Variants in ZDHHC20 observed in about 807,000 individuals in gnomAD.
ZDHHC20 encodes zDHHC palmitoyltransferase 20, also known as palmitoyltransferase ZDHHC20.
In ZDHHC20, 43 loss-of-function variants were observed where a neutral mutation model predicts 57.8. The observed-to-expected ratio is 0.74, with a 90% CI of 0.58 to 0.96. The LOEUF (loss-of-function observed/expected upper bound fraction) is 0.96. Ranked by LOEUF, ZDHHC20 falls within the 40% of genes least tolerant of loss-of-function variation. ZDHHC20 has a pLI of 0.00. For synonymous variants in ZDHHC20, 157 were observed against 153.0 expected, an observed-to-expected ratio of 1.03 and a Z score of -0.19; for missense variants, 391 against 441.1, an observed-to-expected ratio of 0.89 and a Z score of 1.02.
intron 1 of ZDHHC20, among the ~76,000 whole-genome samples, chr13:21,447,549 G>A (rs1048596667): frequency 8.8e-5 from 13 of 147,532 alleles, no homozygotes; most frequent in Middle Eastern, 3.4e-3. Context: ...CTCCCGAGGT[G>A]CCGGGATTGC....
At chr13:21,408,477 C>T (rs1017102471) in intron 4 of ZDHHC20, among the ~76,000 whole-genome samples, 3 of 152,162 alleles carry the variant, frequency 2.0e-5, no homozygotes, top group African/African-American at 7.2e-5. Flanking sequence ...TATCCTGAGA[C>T]TTTGCTGAAG....
chr13:21,419,309 C>T (rs1012797687), intron 3 of ZDHHC20, among the ~76,000 whole-genome samples: 2 of 152,186 alleles, frequency 1.3e-5, no homozygotes, highest in African/African-American at 4.8e-5. Context: ...AAAGACTATA[C>T]AGCATTACTT....
Position 21,381,207 on chromosome 13 carries a change from C to G in ZDHHC20, c.1060+227G>C, listed in dbSNP as rs544029861. Among the ~76,000 whole-genome samples the G allele has an allele frequency of 2.0e-5, 3 of 152,158 alleles. No homozygotes were observed. In the East Asian group the frequency reaches 5.8e-4, roughly 30 times the overall value. On this transcript the variant is annotated intron_variant, in intron 11 of 12. Transcript: ENST00000400590. ...ATTTGTAGTAGAGACGGGGTTTCAC[C>G]GTGTTAGCCAGGATGGTCTCATTCT...
intron 1 of ZDHHC20, among the ~76,000 whole-genome samples, chr13:21,456,368 T>C (rs1247408275): frequency 2.2e-4 from 34 of 152,216 alleles, no homozygotes; most frequent in Non-Finnish European, 2.9e-5. Flanking sequence ...CAAGATCGCA[T>C]CATTGCACTC....
At chr13:21,452,680 C>T (rs1884559735) in intron 1 of ZDHHC20, among the ~76,000 whole-genome samples, 1 of 151,832 alleles carries the variant, frequency 6.6e-6, no homozygotes, top group African/African-American at 2.4e-5. Flanking sequence ...AGCATAAAGG[C>T]CAAGATGGAA....
At chr13:21,405,256 CATTT>C (rs1047985178) in intron 4 of ZDHHC20, among the ~76,000 whole-genome samples, 13 of 152,096 alleles carry the variant, frequency 8.5e-5, no homozygotes, top group South Asian at 2.1e-4. Flanking sequence ...AAATCATTTT[CATTT>C]ATTTAAGCCT....
At chr13:21,438,624 T>C (rs908620832) in intron 1 of ZDHHC20, among the ~76,000 whole-genome samples, 1 of 152,220 alleles carries the variant, frequency 6.6e-6, no homozygotes, top group Non-Finnish European at 1.5e-5. Flanking sequence ...TGAACACTGA[T>C]GAAATGACAA....
In ZDHHC20 at chr13:21,413,662, T is replaced by G. The variant is rs746017026; in HGVS notation, c.360A>C (p.Ser120=). 45 of 1,588,300 alleles carry G rather than the reference T, an allele frequency of 2.8e-5. No homozygotes were observed. The highest frequency in any genetic ancestry group is 3.4e-5 in the Non-Finnish European group (40 of 1,172,040). Residue 120 remains serine, a synonymous_variant, in exon 4 of 13, where the codon TCA becomes TCC. Transcript: ENST00000400590. The part of the protein sequence containing the change: ...AARALPIYTT[S]ASKTIRYCEK... Reference sequence around the variant, plus strand: ...TATTCTTTTTCTTACTTTTTGAAGCTGATGTGGTATAGATAGGTAAAGCTC... The same window carrying G: ...TATTCTTTTTCTTACTTTTTGAAGCGGATGTGGTATAGATAGGTAAAGCTC...
chr13:21,402,382 G>A (rs955497419), intron 5 of ZDHHC20, among the ~76,000 whole-genome samples: 3 of 151,676 alleles, frequency 2.0e-5, no homozygotes, highest in African/African-American at 4.9e-5. Context: ...CTTATATGAA[G>A]GTAGACCACA....
intron 7 of ZDHHC20, among the ~76,000 whole-genome samples, chr13:21,394,008 C>T (rs796296884): frequency 2.0e-5 from 3 of 152,396 alleles, no homozygotes; most frequent in African/African-American, 7.2e-5. Context: ...GATGCTGCAA[C>T]AGCCTACCAT....
intron 3 of ZDHHC20, among the ~76,000 whole-genome samples, chr13:21,414,125 T>C (rs1023866092): frequency 7.9e-5 from 12 of 152,182 alleles, no homozygotes; most frequent in African/African-American, 2.7e-4. Context: ...TTTTTAATTT[T>C]TGCAAGAATG....
At chr13:21,379,803 T>C (rs1474030677) in intron 11 of ZDHHC20, among the ~76,000 whole-genome samples, 1 of 134,186 alleles carries the variant, frequency 7.5e-6, no homozygotes, top group Non-Finnish European at 1.6e-5. Context: ...ATATATTCAG[T>C]GTGCTCTTTT....
chr13:21,450,805 A>AG (rs1884377128), intron 1 of ZDHHC20, among the ~76,000 whole-genome samples: 1 of 150,602 alleles, frequency 6.6e-6, no homozygotes, highest in African/African-American at 2.5e-5. Context: ...CTCAGGCTGG[A>AG]GTGCAGTGGT....
At chr13:21,389,420 T>C (rs952072243) in intron 8 of ZDHHC20, among the ~76,000 whole-genome samples, 4 of 152,130 alleles carry the variant, frequency 2.6e-5, no homozygotes, top group African/African-American at 4.8e-5. Context: ...TTTAAGAAAC[T>C]AGAAAAGAAA....
chr13:21,450,190 C>T (rs1364648961), intron 1 of ZDHHC20, among the ~76,000 whole-genome samples: 1 of 152,058 alleles, frequency 6.6e-6, no homozygotes, highest in Non-Finnish European at 1.5e-5. Context: ...GTTTTGTCTA[C>T]AATGCCTATT....
chr13:21,453,587 C>G (rs1884653012), intron 1 of ZDHHC20, among the ~76,000 whole-genome samples: 1 of 152,084 alleles, frequency 6.6e-6, no homozygotes, highest in South Asian at 2.1e-4. Context: ...ATAAAACAAG[C>G]CTGAATACAT....
At chr13:21,439,966 C>T (rs1882953892) in intron 1 of ZDHHC20, among the ~76,000 whole-genome samples, 2 of 150,470 alleles carry the variant, frequency 1.3e-5, no homozygotes, top group South Asian at 4.2e-4. Context: ...ACTCAACAGG[C>T]CGAGGCACAA....
chr13:21,394,850 C>T (rs1261870606), intron 7 of ZDHHC20, among the ~76,000 whole-genome samples: 1 of 152,134 alleles, frequency 6.6e-6, no homozygotes, highest in Non-Finnish European at 1.5e-5. Context: ...GTGTTCTCTT[C>T]TAATATGTGC....
At chr13:21,440,423 C>T (rs1306880254) in intron 1 of ZDHHC20, among the ~76,000 whole-genome samples, 6 of 152,128 alleles carry the variant, frequency 3.9e-5, no homozygotes, top group Admixed American at 3.9e-4. Flanking sequence ...CCAGCTTGGC[C>T]AACATGGTGA....
Sources: allele counts gnomAD v4.1 joint callset (sites outside exome capture counted in the v4.1 genomes callset), GRCh38; gene constraint gnomAD v4.1.1; transcripts MANE v1.5; gene names NCBI Gene and HGNC (gene_info 2026-07-23, HGNC 2026-07-21).